MOK: variants seen among roughly 807,000 people sequenced by gnomAD.
MOK encodes the protein MAPK/MAK/MRK overlapping kinase.
A neutral mutation model predicts 54.2 loss-of-function variants in MOK; 59 were observed. That is an observed-to-expected ratio of 1.09 (90% CI 0.88 to 1.35). The LOEUF (loss-of-function observed/expected upper bound fraction) is 1.35, where lower values mean the gene tolerates loss of function less well. Ranked by LOEUF, MOK falls within the 40% of genes most tolerant of loss-of-function variation. The probability of loss-of-function intolerance (pLI) is 0.00; values close to 1 mark genes in which losing one functional copy is unlikely to be tolerated. For synonymous variants in MOK, 210 were observed against 202.7 expected, an observed-to-expected ratio of 1.04 and a Z score of -0.31; for missense variants, 517 against 526.2, an observed-to-expected ratio of 0.98 and a Z score of 0.17.
rs563473433 is a variant in MOK, at chr14:102,276,438, G to A, written c.122+7040C>T. Among the ~76,000 whole-genome samples, 7 of 152,078 alleles carry A rather than the reference G, an allele frequency of 4.6e-5. No homozygotes were observed. In the South Asian group the frequency reaches 8.3e-4, roughly 18 times the overall value. ...CAGGAGTCAGAGCTTGCATTGAGCC[G>A]AGATAGCCAGCCTGGGTGATAGAGC... is the stretch of plus-strand genomic sequence containing the variant. On this transcript the variant is annotated intron_variant, in intron 2 of 11. Coordinates refer to ENST00000361847, the MANE Select transcript of MOK (RefSeq NM_014226.3).
intron 10 of MOK, 174 bp from the exon 11 acceptor site, chr14:102,229,831 T>C (rs1307951434): frequency 3.2e-6 from 2 of 627,384 alleles, no homozygotes; most frequent in Non-Finnish European, 5.4e-6. Context: ...GGCTGCCCAC[T>C]AGAGTCCCAC....
intron 3 of MOK, among the ~76,000 whole-genome samples, chr14:102,265,141 T>G (rs921786443): frequency 6.6e-6 from 1 of 152,174 alleles, no homozygotes; most frequent in Non-Finnish European, 1.5e-5. Context: ...CAGGAGACTG[T>G]TCAGAAATGG....
downstream of MOK, among the ~76,000 whole-genome samples, chr14:102,219,840 C>T (rs1274959223): frequency 3.3e-5 from 5 of 152,244 alleles, no homozygotes; most frequent in Non-Finnish European, 7.3e-5. Flanking sequence ...GTATGGACTA[C>T]AGAAGACGAG....
intron 1 of MOK, among the ~76,000 whole-genome samples, chr14:102,292,534 A>G (rs1174646299): frequency 6.6e-5 from 10 of 152,134 alleles, no homozygotes; most frequent in Non-Finnish European, 1.2e-4. Context: ...CATAGTGTGT[A>G]ATACCAAATA....
intron 7 of MOK, chr14:102,247,597 G>T (rs1402267790): frequency 6.6e-6 from 1 of 152,160 alleles, no homozygotes; most frequent in Non-Finnish European, 1.5e-5. Flanking sequence ...CCTCTCCAAA[G>T]ACCTCACAGA....
downstream of MOK, among the ~76,000 whole-genome samples, chr14:102,219,681 G>C (rs1005820314): frequency 6.6e-6 from 1 of 152,232 alleles, no homozygotes. Context: ...GGTGGCCAAC[G>C]TGCTTCCTGA....
At chr14:102,274,255 ATTTT>A (rs11299524) in intron 2 of MOK, among the ~76,000 whole-genome samples, 1 of 119,796 alleles carries the variant, frequency 8.3e-6, no homozygotes, top group Non-Finnish European at 1.8e-5. Context: ...CCGTACCTGC[ATTTT>A]TTTTTTTTTT....
chr14:102,229,505 T>C lies in MOK; in HGVS notation c.1134A>G (p.Gly378=), dbSNP rs1224802062. 1 of 1,614,096 alleles carries C rather than the reference T, an allele frequency of 6.2e-7. No individual in the cohort carries two copies. Reference sequence around the variant, plus strand: ...TCAAGGGTCTCAGCACCGGCACTCTTCCATTTGTTCCAGATCCAAGCACGG... The same window carrying C: ...TCAAGGGTCTCAGCACCGGCACTCTCCCATTTGTTCCAGATCCAAGCACGG... The part of the protein sequence containing the change: ...LQSVLGSGTN[G]RVPVLRPLKC... Residue 378 remains glycine, a synonymous_variant, in exon 11 of 12, where the codon GGA becomes GGG. Coordinates refer to ENST00000361847, the MANE Select transcript of MOK (RefSeq NM_014226.3).
At chr14:102,221,500 G>C (rs1306663279), downstream of MOK, among the ~76,000 whole-genome samples, 1 of 152,212 alleles carries the variant, frequency 6.6e-6, no homozygotes. The surrounding 1 kb of genome is among the most constrained non-coding windows in gnomAD (Gnocchi z 4.8). Context: ...TGAGCCAGAA[G>C]TATGGGGCGT....
chr14:102,249,696 C>G lies in MOK; in HGVS notation c.590+1116G>C, dbSNP rs953063836. ...TGCACTCCAGCCTAGGCAACAAGAG[C>G]AAAACTCCATCTCAAAAAAATAAAT... On this transcript the variant is annotated intron_variant, in intron 7 of 11. Transcript: ENST00000361847. This position sits in a 1 kb window ranked among gnomAD's most constrained non-coding sequence, Gnocchi z 5.3. Among the ~76,000 whole-genome samples the G allele has an allele frequency of 6.6e-6, 1 of 152,122 alleles. No homozygotes were observed. The highest frequency in any genetic ancestry group is 1.5e-5 in the Non-Finnish European group (1 of 68,018).
chr14:102,257,966 ACT>A (rs1023760656), intron 4 of MOK, among the ~76,000 whole-genome samples: 3 of 145,988 alleles, frequency 2.1e-5, no homozygotes, highest in Non-Finnish European at 4.5e-5. Flanking sequence ...ACAGAGTGAG[ACT>A]CTGTCTCAAA....
chr14:102,248,634 C>G (rs578002046), intron 7 of MOK, among the ~76,000 whole-genome samples: 3 of 152,026 alleles, frequency 2.0e-5, no homozygotes, highest in Non-Finnish European at 4.4e-5. Context: ...AAAAATTAGC[C>G]GGGCGTGCTG....
chr14:102,238,261 T>G lies in MOK; in HGVS notation c.591-4472A>C, dbSNP rs1242062987. Reference sequence around the variant, plus strand: ...AGGAACCTCCTCTCAAAAAGCAGAATTCATAGCTCTCACCAGAGCCCTAAC... The same window carrying G: ...AGGAACCTCCTCTCAAAAAGCAGAAGTCATAGCTCTCACCAGAGCCCTAAC... On this transcript the variant is annotated intron_variant, in intron 7 of 11. Coordinates refer to ENST00000361847, the MANE Select transcript of MOK (RefSeq NM_014226.3). The surrounding 1 kb of genome is among the most constrained non-coding windows in gnomAD (Gnocchi z 4.8). 2 of 152,220 alleles carry G rather than the reference T, an allele frequency of 1.3e-5. No homozygotes were observed. Among genetic ancestry groups the G allele is most frequent in the African/African-American group, 2.4e-5 (1 of 41,438 alleles). 9.4% of individuals were successfully genotyped at this position (152,220 alleles called of 1,614,324 possible). A position where few individuals can be genotyped will look rare whatever the true frequency, so the allele number is the denominator to read the frequency against.
Position 102,265,922 on chromosome 14 carries a change from A to T in MOK, c.123-10T>A. 6.2e-7 allele frequency: 1 copy of T among 1,601,722 alleles called. No homozygotes were observed. The highest frequency in any genetic ancestry group is 8.5e-7 in the Non-Finnish European group (1 of 1,170,530). On this transcript the variant is annotated splice_polypyrimidine_tract_variant and intron_variant, in intron 2 of 11. Coordinates refer to ENST00000361847, the MANE Select transcript of MOK (RefSeq NM_014226.3). ...GTTGACTTGCTCAATACTATCGTGT[A>T]GGTAAAAATGGATAGCTCATTCACA...
chr14:102,263,681 T>A, intron 3 of MOK, 65 bp from the exon 4 acceptor site: 1 of 1,101,232 alleles, frequency 9.1e-7, no homozygotes. Flanking sequence ...TAATCCAATA[T>A]TTAATTCATT....
At chr14:102,258,729 C>A (rs574978557) in intron 4 of MOK, among the ~76,000 whole-genome samples, 2 of 152,220 alleles carry the variant, frequency 1.3e-5, no homozygotes, top group African/African-American at 4.8e-5. Flanking sequence ...AATTCCTTTT[C>A]TCTTATGATA....
intron 1 of MOK, among the ~76,000 whole-genome samples, chr14:102,288,851 T>G (rs1042109714): frequency 2.6e-5 from 4 of 152,202 alleles, no homozygotes; most frequent in Non-Finnish European, 5.9e-5. Flanking sequence ...GCAGGTTTCA[T>G]TGGCATGTTC....
intron 2 of MOK, 165 bp downstream of exon 2, chr14:102,283,313 C>T (rs1474069933): frequency 1.9e-6 from 1 of 517,094 alleles, no homozygotes; most frequent in Non-Finnish European, 3.4e-6. Flanking sequence ...TGAGTAAACT[C>T]CAGTATGATA....
At chr14:102,247,510 T>A (rs2153105736) in intron 7 of MOK, 1 of 152,276 alleles carries the variant, frequency 6.6e-6, no homozygotes, top group Non-Finnish European at 1.5e-5. Flanking sequence ...CATACCTCTA[T>A]TAGCAGTCCC....
Sources: gnomAD v4.1 joint callset for allele counts (sites outside exome capture counted in the v4.1 genomes callset) on GRCh38, gnomAD v4.1.1 for gene constraint, Gnocchi (gnomAD v3.1) non-coding constraint, MANE v1.5 for transcripts, NCBI Gene and HGNC (gene_info 2026-07-23, HGNC 2026-07-21) for gene names.